ARFIP1: variants seen among roughly 807,000 people sequenced by gnomAD.
ARFIP1 encodes the protein arfaptin-1.
A neutral mutation model predicts 42.5 loss-of-function variants in ARFIP1; 24 were observed. That is an observed-to-expected ratio of 0.57 (90% CI 0.41 to 0.80). ARFIP1 has a LOEUF of 0.80. Ranked by LOEUF, ARFIP1 falls within the 30% of genes least tolerant of loss-of-function variation. The pLI is 0.00. For synonymous variants in ARFIP1, 141 were observed against 153.7 expected (o/e 0.92, Z 0.61); for missense variants, 354 against 434.0 (o/e 0.82, Z 1.64).
intron 1 of ARFIP1, among the ~76,000 whole-genome samples, chr4:152,781,551 A>T (rs1730500657): frequency 6.6e-6 from 1 of 152,052 alleles, no homozygotes; most frequent in South Asian, 2.1e-4. Flanking sequence ...TGGCCATTTC[A>T]TTGCTGTTCT....
chr4:152,891,463 G>GT (rs552447318), intron 8 of ARFIP1, among the ~76,000 whole-genome samples: 3 of 152,130 alleles, frequency 2.0e-5, no homozygotes, highest in African/African-American at 4.8e-5. Context: ...ACTTTTCTTT[G>GT]TTTTTTTGTT....
At chr4:152,826,783 G>A (rs1173488454) in intron 1 of ARFIP1, among the ~76,000 whole-genome samples, 2 of 152,092 alleles carry the variant, frequency 1.3e-5, no homozygotes, top group Non-Finnish European at 2.9e-5. Flanking sequence ...AGCAACCCAA[G>A]TATCCATCAC....
Position 152,910,181 on chromosome 4 carries a change from C to T in ARFIP1, c.1084C>T (p.Pro362Ser), listed in dbSNP as rs756362263. ...LKQFHIKLKT[P>S]GVDAPSWLEE... ...ACAGTTCCATATCAAATTGAAAACCCCTGGAGTGGATGCCCCATCTTGGCT... is the reference window on the plus strand; with the variant it reads ...ACAGTTCCATATCAAATTGAAAACCTCTGGAGTGGATGCCCCATCTTGGCT... Residue 362 changes from proline (P) to serine (S), a missense_variant, in exon 9 of 9, where the codon CCT (proline) becomes TCT (serine). Pro to Ser is a moderately conservative substitution (Grantham distance 74). Transcript: ENST00000353617. The T allele has an allele frequency of 1.3e-5, 21 of 1,613,768 alleles. No individual in the cohort carries two copies. The South Asian group carries it at 2.2e-4, about 17-fold the overall frequency.
intron 1 of ARFIP1, among the ~76,000 whole-genome samples, chr4:152,789,226 G>T (rs1472931704): frequency 6.6e-6 from 1 of 151,514 alleles, no homozygotes; most frequent in Non-Finnish European, 1.5e-5. Flanking sequence ...AAGTAGCTGG[G>T]TCTACAGGTA....
chr4:152,869,629 A>G (rs1208635105), intron 3 of ARFIP1, among the ~76,000 whole-genome samples: 2 of 151,934 alleles, frequency 1.3e-5, no homozygotes, highest in East Asian at 3.9e-4. Context: ...GTGTTTTGCC[A>G]TGTTGCCCAG....
intron 2 of ARFIP1, among the ~76,000 whole-genome samples, chr4:152,845,541 G>A (rs1305627799): frequency 6.6e-6 from 1 of 152,078 alleles, no homozygotes; most frequent in African/African-American, 2.4e-5. Context: ...ATGGGCAAAA[G>A]ACATGAATAG....
chr4:152,800,059 G>A (rs1728271668), intron 1 of ARFIP1, among the ~76,000 whole-genome samples: 1 of 152,074 alleles, frequency 6.6e-6, no homozygotes, highest in South Asian at 2.1e-4. Context: ...CATTCATGGG[G>A]AACATTCTTA....
chr4:152,876,196 T>C (rs1017164130), intron 5 of ARFIP1, among the ~76,000 whole-genome samples: 2 of 152,062 alleles, frequency 1.3e-5, no homozygotes, highest in Non-Finnish European at 2.9e-5. Context: ...CAAGCAGAGA[T>C]TGGAACAGTT....
chr4:152,828,827 C>T (rs1731043193), intron 1 of ARFIP1, among the ~76,000 whole-genome samples: 1 of 152,216 alleles, frequency 6.6e-6, no homozygotes, highest in Non-Finnish European at 1.5e-5. Context: ...TTCTCCTATG[C>T]TCTCTTTATG....
intron 1 of ARFIP1, among the ~76,000 whole-genome samples, chr4:152,790,055 G>A (rs1731058196): frequency 6.6e-6 from 1 of 152,042 alleles, no homozygotes; most frequent in African/African-American, 2.4e-5. Flanking sequence ...GACAGAGTAA[G>A]GAAATATATG....
At chr4:152,818,442 A>T (rs1730085450) in intron 1 of ARFIP1, among the ~76,000 whole-genome samples, 1 of 152,188 alleles carries the variant, frequency 6.6e-6, no homozygotes, top group Admixed American at 6.5e-5. Context: ...TGGGCTTTGC[A>T]TGCACGCCCA....
chr4:152,875,378 T>TAA (rs11302481), intron 5 of ARFIP1, among the ~76,000 whole-genome samples: 1,749 of 99,908 alleles, frequency 0.018, 37 homozygotes, highest in African/African-American at 0.053. Flanking sequence ...TCTTTTTTTA[T>TAA]AAAAAAAAAA....
In ARFIP1 at chr4:152,859,038, C is replaced by A. The variant is rs1165259186; in HGVS notation, c.94-4568C>A. 2.0e-5 allele frequency among the ~76,000 whole-genome samples: 3 copies of A among 152,074 alleles called. No homozygotes were observed. The South Asian group carries it at 6.2e-4, about 32-fold the overall frequency. The stretch of plus-strand genomic sequence containing the variant: ...TTTCTTTTCCTTTATAAGAGACATA[C>A]TAGTTTATCTCTCTTTTTTGTTTTT... On this transcript the variant is annotated intron_variant, in intron 2 of 8. Coordinates refer to ENST00000353617, the MANE Select transcript of ARFIP1 (RefSeq NM_001025595.3).
chr4:152,829,978 T>G (rs979420548), intron 2 of ARFIP1, among the ~76,000 whole-genome samples: 1 of 152,138 alleles, frequency 6.6e-6, no homozygotes, highest in Admixed American at 6.6e-5. Context: ...TGTCTGATGA[T>G]TTTGGTATCT....
intron 1 of ARFIP1, chr4:152,809,658 T>G (rs1212345019): frequency 2.0e-5 from 3 of 152,232 alleles, no homozygotes; most frequent in Admixed American, 6.5e-5. Flanking sequence ...ATCCCCAACT[T>G]TGACCCATTG....
intron 3 of ARFIP1, among the ~76,000 whole-genome samples, chr4:152,865,110 C>A (rs1404247846): frequency 6.6e-6 from 1 of 151,622 alleles, no homozygotes; most frequent in African/African-American, 2.4e-5. Context: ...CCTTTGTAAA[C>A]CATAGCCCTC....
At chr4:152,852,807 T>G (rs537796889) in intron 2 of ARFIP1, among the ~76,000 whole-genome samples, 3 of 152,360 alleles carry the variant, frequency 2.0e-5, no homozygotes, top group East Asian at 3.9e-4. Flanking sequence ...CCTATTATTT[T>G]GTGTTTCATT....
chr4:152,834,112 C>T (rs983467446), intron 2 of ARFIP1, among the ~76,000 whole-genome samples: 1 of 152,054 alleles, frequency 6.6e-6, no homozygotes, highest in Non-Finnish European at 1.5e-5. Context: ...TTTAAACAAC[C>T]AGATCTTGTG....
intron 2 of ARFIP1, among the ~76,000 whole-genome samples, chr4:152,853,905 CTTTTTTTTTTTT>C (rs36055484): frequency 4.0e-5 from 3 of 74,740 alleles, no homozygotes; most frequent in African/African-American, 1.6e-4. Context: ...TTCTGAGATT[CTTTTTTTTTTTT>C]TTTTTTTTTT....
Sources: gnomAD v4.1 joint callset for allele counts (sites outside exome capture counted in the v4.1 genomes callset) on GRCh38, gnomAD v4.1.1 for gene constraint, MANE v1.5 for transcripts, NCBI Gene and HGNC (gene_info 2026-07-23, HGNC 2026-07-21) for gene names.